ART1: variants seen among roughly 807,000 people sequenced by gnomAD.
ART1 encodes GPI-linked NAD(P)(+)--arginine ADP-ribosyltransferase 1.
In ART1, 29 loss-of-function variants were observed where a neutral mutation model predicts 27.0. The ratio of observed to expected loss-of-function variants is 1.08; its 90% CI spans 0.80 to 1.47. ART1 has a LOEUF of 1.47. Among genes scored for constraint, ART1 ranks in the 40% most tolerant of loss-of-function variants. ART1 has a pLI of 0.00. For synonymous variants in ART1, 201 were observed against 172.2 expected, an observed-to-expected ratio of 1.17 and a Z score of -1.31; for missense variants, 480 against 423.0, an observed-to-expected ratio of 1.13 and a Z score of -1.18.
At chr11:3,659,418 A>T in intron 2 of ART1, 142 bp downstream of exon 2, 1 of 1,391,376 alleles carries the variant, frequency 7.2e-7, no homozygotes, top group Non-Finnish European at 9.9e-7. Flanking sequence ...ACAGCTCCAG[A>T]TGCTAGTCTT....
chr11:3,655,300 AAATACAAG>A lies in ART1; in HGVS notation c.-52-3861_-52-3854del, dbSNP rs1371217886. On this transcript the variant is annotated intron_variant, in intron 1 of 4. Transcript: ENST00000250693. ...AGCTTCTTTGTAAAGTGATCCCAAGAAATACAAGTCAGGGAGCGGCAAAGTCAGACAGA... is the reference window on the plus strand; with the variant it reads ...AGCTTCTTTGTAAAGTGATCCCAAGATCAGGGAGCGGCAAAGTCAGACAGA... Among the ~76,000 whole-genome samples the A allele has an allele frequency of 1.2e-4, 18 of 148,940 alleles. No homozygotes were observed. The South Asian group carries it at 3.8e-3, about 32-fold the overall frequency.
intron 1 of ART1, among the ~76,000 whole-genome samples, chr11:3,649,022 C>G (rs1407815719): frequency 6.6e-6 from 1 of 151,744 alleles, no homozygotes; most frequent in Non-Finnish European, 1.5e-5. Context: ...TTTCCGTGCC[C>G]CGACCTCTTA....
chr11:3,650,089 A>G (rs2077507424), intron 1 of ART1, among the ~76,000 whole-genome samples: 2 of 152,204 alleles, frequency 1.3e-5, no homozygotes, highest in South Asian at 4.1e-4. Context: ...CTGAGTTGCA[A>G]CTACTTGTCT....
At position 3,660,224 on chromosome 11, in the gene ART1, C is replaced by A. The variant is rs1435609128; in HGVS notation, c.705C>A (p.Phe235Leu). 17 of 1,614,058 alleles carry A rather than the reference C, an allele frequency of 1.1e-5. No individual in the cohort carries two copies. The highest frequency in any genetic ancestry group is 1.1e-5 in the Non-Finnish European group (13 of 1,180,046). ...LGAPIKGYSFFPGEEEVLIPP... is the reference protein window; with the variant it reads ...LGAPIKGYSFLPGEEEVLIPP... ...CCCCTATCAAGGGCTACTCCTTCTT[C>A]CCTGGAGAGGAAGAGGTGCTGATCC... The change falls in exon 3 of 5, where the codon TTC (phenylalanine) becomes TTA (leucine). Residue 235 changes from phenylalanine (F) to leucine (L), a missense_variant. Physicochemically the swap from Phe to Leu is conservative, Grantham distance 22. Coordinates refer to ENST00000250693, the MANE Select transcript of ART1 (RefSeq NM_004314.3).
At chr11:3,660,590 G>A (rs2077613335) in intron 3 of ART1, among the ~76,000 whole-genome samples, 1 of 152,220 alleles carries the variant, frequency 6.6e-6, no homozygotes, top group Non-Finnish European at 1.5e-5. Flanking sequence ...CTTGCCTGCT[G>A]GGAGGCTGAA....
At position 3,659,784 on chromosome 11, in the gene ART1, C is replaced by T. The variant is rs1416469700; in HGVS notation, c.265C>T (p.Arg89Cys). Residue 89 changes from arginine (R) to cysteine (C), a missense_variant, in exon 3 of 5, where the codon CGT becomes TGT. Physicochemically the swap from Arg to Cys is radical, Grantham distance 180 (BLOSUM62 -3). Coordinates refer to ENST00000250693, the MANE Select transcript of ART1 (RefSeq NM_004314.3). ...ACTGGCAAGCAGCCAATGGCAGGAGCGTCAGGCCAGGTGGCCAGAGTGGAG... is the reference window on the plus strand; with the variant it reads ...ACTGGCAAGCAGCCAATGGCAGGAGTGTCAGGCCAGGTGGCCAGAGTGGAG... The part of the protein sequence containing the change: ...WTLASSQWQE[R>C]QARWPEWSLS... The T allele has an allele frequency of 3.7e-6, 6 of 1,613,114 alleles. No individual in the cohort carries two copies. Among genetic ancestry groups the T allele is most frequent in the African/African-American group, 1.3e-5 (1 of 74,934 alleles).
At chr11:3,653,696 A>C (rs1209910775) in intron 1 of ART1, among the ~76,000 whole-genome samples, 1 of 152,110 alleles carries the variant, frequency 6.6e-6, no homozygotes, top group African/African-American at 2.4e-5. Context: ...TTTCTAGTTT[A>C]AAGAATGGAA....
At chr11:3,659,452 C>G in intron 2 of ART1, 131 bp from the exon 3 acceptor site, 2 of 1,363,830 alleles carry the variant, frequency 1.5e-6, no homozygotes, top group Non-Finnish European at 2.0e-6. Context: ...CCAGAGGTTC[C>G]CAATCCCCTT....
chr11:3,645,948 C>G (rs1421524041), intron 1 of ART1, among the ~76,000 whole-genome samples: 11 of 152,088 alleles, frequency 7.2e-5, no homozygotes. Context: ...TTGTTCTGCA[C>G]TACAGAAGCC....
At chr11:3,653,243 C>A (rs899643717) in intron 1 of ART1, among the ~76,000 whole-genome samples, 1 of 148,562 alleles carries the variant, frequency 6.7e-6, no homozygotes, top group Non-Finnish European at 1.5e-5. Context: ...GGCCTCTGAG[C>A]CGAAGCTAAG....
chr11:3,647,334 CA>C (rs1266246028), intron 1 of ART1, among the ~76,000 whole-genome samples: 1 of 130,182 alleles, frequency 7.7e-6, no homozygotes, highest in African/African-American at 3.3e-5. Context: ...AAAAACAAAA[CA>C]AAACAAAAAA....
intron 1 of ART1, among the ~76,000 whole-genome samples, chr11:3,652,414 T>C (rs1382781262): frequency 6.7e-6 from 1 of 149,362 alleles, no homozygotes; most frequent in Non-Finnish European, 1.5e-5. Context: ...TTTATATCCC[T>C]TACGGTCCTC....
intron 3 of ART1, among the ~76,000 whole-genome samples, chr11:3,661,018 G>T (rs2077615773): frequency 6.6e-6 from 1 of 152,164 alleles, no homozygotes; most frequent in African/African-American, 2.4e-5. Flanking sequence ...ACAACATCAG[G>T]AGCATGCATG....
chr11:3,655,610 C>T (rs1029954489), intron 1 of ART1: 6 of 152,152 alleles, frequency 3.9e-5, no homozygotes, highest in African/African-American at 7.2e-5. Context: ...CATGTGGACT[C>T]GAAGACAGTC....
At position 3,661,393 on chromosome 11, in the gene ART1, C is replaced by T. The variant is rs184647335; in HGVS notation, c.866C>T (p.Pro289Leu). 1.2e-6 allele frequency: 2 copies of T among 1,612,766 alleles called. No homozygotes were observed. The highest frequency in any genetic ancestry group is 1.1e-5 in the South Asian group (1 of 90,856). The change falls in exon 4 of 5, where the codon CCT (proline) becomes CTT (leucine). Residue 289 changes from proline to leucine, a missense_variant. Pro to Leu is a moderately conservative substitution (Grantham distance 98). Transcript: ENST00000250693. ...YIKDKKCKSGPCHLDNSAMGQ... is the reference protein window; with the variant it reads ...YIKDKKCKSGLCHLDNSAMGQ... ...ATAGACAAGAAGTGCAAGTCTGGGC[C>T]TTGCCATCTGGATAATTCAGGTAAG...
intron 4 of ART1, among the ~76,000 whole-genome samples, chr11:3,661,763 G>T (rs931967642): frequency 6.6e-6 from 1 of 152,162 alleles, no homozygotes; most frequent in South Asian, 2.1e-4. Context: ...CTCCCAAAGT[G>T]CTGGGATTAC....
At chr11:3,659,484 C>A in intron 2 of ART1, 99 bp from the exon 3 acceptor site, 2 of 1,430,128 alleles carry the variant, frequency 1.4e-6, no homozygotes, top group Non-Finnish European at 9.4e-7. Flanking sequence ...GTGTTTGGGG[C>A]CCTTCCTGCC....
rs541492615 is a variant in ART1 at position 3,661,040 on chromosome 11, G to A, written c.845-332G>A. ...CAGGAGCATGCATGAGTTGACAGAA[G>A]GTAAGGAGGGCATGCAAAGAAAACA... On this transcript the variant is annotated intron_variant, in intron 3 of 4. Transcript: ENST00000250693. 4.6e-5 allele frequency among the ~76,000 whole-genome samples: 7 copies of A among 152,296 alleles called. No homozygotes were observed. The East Asian group carries it at 1.4e-3, about 29-fold the overall frequency.
chr11:3,650,437 C>T (rs2077511322), intron 1 of ART1, among the ~76,000 whole-genome samples: 1 of 152,198 alleles, frequency 6.6e-6, no homozygotes, highest in Non-Finnish European at 1.5e-5. Flanking sequence ...CCTCGGAAGC[C>T]CCCTAGACCA....
Sources: gnomAD v4.1 joint callset for allele counts (sites outside exome capture counted in the v4.1 genomes callset) on GRCh38, gnomAD v4.1.1 for gene constraint, MANE v1.5 for transcripts, NCBI Gene and HGNC (gene_info 2026-07-23, HGNC 2026-07-21) for gene names.